RIMS2: variants seen among roughly 807,000 people sequenced by gnomAD.
The protein encoded by RIMS2 is regulating synaptic membrane exocytosis protein 2.
Under a neutral mutation model 174.4 loss-of-function variants are expected in RIMS2, and 59 were observed. The ratio of observed to expected loss-of-function variants is 0.34; its 90% confidence interval spans 0.27 to 0.42. The LOEUF (loss-of-function observed/expected upper bound fraction) is 0.42, where lower values mean the gene tolerates loss of function less well. Ranked by LOEUF, RIMS2 falls within the 10% of genes least tolerant of loss-of-function variation. The pLI, the probability that RIMS2 is intolerant of heterozygous loss-of-function variation, is 1.00. For missense variants in RIMS2, 1,620 were observed against 1,666.3 expected, an observed-to-expected ratio of 0.97 and a Z score of 0.48; for synonymous variants, 606 against 572.5, an observed-to-expected ratio of 1.06 and a Z score of -0.84.
chr8:104,191,360 G>T (rs58315183), intron 19 of RIMS2, among the ~76,000 whole-genome samples: 1 of 152,022 alleles, frequency 6.6e-6, no homozygotes, highest in East Asian at 1.9e-4. Flanking sequence ...AGGTATTTTT[G>T]TGGTGAAAAT....
At chr8:104,175,934 A>T (rs1315270246) in intron 19 of RIMS2, among the ~76,000 whole-genome samples, 1 of 152,090 alleles carries the variant, frequency 6.6e-6, no homozygotes, top group African/African-American at 2.4e-5. Context: ...CAAGCTGTAT[A>T]ATTCTCTTCA....
intron 17 of RIMS2, among the ~76,000 whole-genome samples, chr8:103,992,366 T>C (rs893567374): frequency 1.3e-5 from 2 of 149,352 alleles, no homozygotes; most frequent in Non-Finnish European, 3.0e-5. Context: ...CTTCAGGTGA[T>C]CCACCTGCCT....
chr8:104,089,710 G>A (rs1269294999), intron 19 of RIMS2, among the ~76,000 whole-genome samples: 1 of 151,668 alleles, frequency 6.6e-6, no homozygotes, highest in Non-Finnish European at 1.5e-5. Context: ...TTAAACTGGA[G>A]CCTTTAGCTA....
intron 1 of RIMS2, chr8:103,568,723 T>G (rs1346776545): frequency 1.2e-6 from 1 of 852,724 alleles, no homozygotes; most frequent in Non-Finnish European, 2.0e-6. Context: ...CATAAGGGAG[T>G]AGCCTATAAA....
intron 1 of RIMS2, among the ~76,000 whole-genome samples, chr8:103,506,081 A>G (rs1417881886): frequency 6.6e-6 from 1 of 152,120 alleles, no homozygotes; most frequent in Admixed American, 6.5e-5. Context: ...TGAATCATGA[A>G]TACTTTTAAA....
At chr8:104,055,199 A>G (rs1360700980) in intron 19 of RIMS2, among the ~76,000 whole-genome samples, 2 of 152,144 alleles carry the variant, frequency 1.3e-5, no homozygotes, top group African/African-American at 2.4e-5. Context: ...AATACTCTCA[A>G]AAATATTCTA....
intron 9 of RIMS2, among the ~76,000 whole-genome samples, chr8:103,919,566 G>A (rs1272447731): frequency 1.3e-5 from 2 of 151,846 alleles, no homozygotes; most frequent in Non-Finnish European, 1.5e-5. Context: ...TAGTGAGAAG[G>A]CTAATCTAGT....
chr8:103,793,505 C>G (rs1196913954), intron 3 of RIMS2, among the ~76,000 whole-genome samples: 2 of 152,132 alleles, frequency 1.3e-5, no homozygotes, highest in Admixed American at 6.5e-5. Context: ...GAAGCATTCC[C>G]TTTGAAAACT....
chr8:103,513,036 GAA>G (rs1168261742), intron 1 of RIMS2, among the ~76,000 whole-genome samples: 1 of 152,158 alleles, frequency 6.6e-6, no homozygotes, highest in African/African-American at 2.4e-5. Flanking sequence ...ATAAGATATA[GAA>G]AGTGGCAGGG....
At chr8:103,687,980 G>A (rs1468598253) in intron 1 of RIMS2, among the ~76,000 whole-genome samples, 1 of 151,986 alleles carries the variant, frequency 6.6e-6, no homozygotes, top group African/African-American at 2.4e-5. Context: ...ATAGGAATAT[G>A]GATATCTCTT....
chr8:103,812,341 T>TTTG (rs1554843395), intron 3 of RIMS2, among the ~76,000 whole-genome samples: 4 of 146,432 alleles, frequency 2.7e-5, no homozygotes, highest in Admixed American at 6.9e-5. Flanking sequence ...GTTTTTTTTT[T>TTTG]TTTTTTTTTT....
At chr8:103,555,867 AGGAAATCCTATCATATG>A (rs370218709) in intron 1 of RIMS2, among the ~76,000 whole-genome samples, 137 of 152,260 alleles carry the variant, frequency 9.0e-4, no homozygotes, top group African/African-American at 3.2e-3. Flanking sequence ...TTTAAAAAGA[AGGAAATCCTATCATATG>A]CAACAACGTG....
intron 14 of RIMS2, among the ~76,000 whole-genome samples, chr8:103,960,444 A>G (rs956889641): frequency 6.6e-6 from 1 of 152,182 alleles, no homozygotes; most frequent in Non-Finnish European, 1.5e-5. Flanking sequence ...ATGTATTAGT[A>G]TTGTGGATGA....
chr8:103,838,042 G>A (rs371852297), intron 3 of RIMS2, among the ~76,000 whole-genome samples: 1 of 151,058 alleles, frequency 6.6e-6, no homozygotes, highest in Non-Finnish European at 1.5e-5. Context: ...GACCTCCCTG[G>A]CTCAAGTGAT....
chr8:103,940,807 C>T (rs998911608), intron 13 of RIMS2, among the ~76,000 whole-genome samples: 37 of 148,660 alleles, frequency 2.5e-4, no homozygotes, highest in East Asian at 8.0e-4. Flanking sequence ...GCCCGGGAGG[C>T]GGAGCTTGCA....
chr8:104,163,090 A>T (rs1472980761), intron 19 of RIMS2, among the ~76,000 whole-genome samples: 1 of 152,196 alleles, frequency 6.6e-6, no homozygotes, highest in African/African-American at 2.4e-5. Context: ...ATGGAAAAAG[A>T]TAAGACTGTT....
chr8:103,856,492 G>A (rs1403945548), intron 3 of RIMS2, among the ~76,000 whole-genome samples: 1 of 152,218 alleles, frequency 6.6e-6, no homozygotes, highest in African/African-American at 2.4e-5. Context: ...TTTGGAAGAA[G>A]CTGTCTTGTC....
chr8:104,141,123 TA>T (rs34629413), intron 19 of RIMS2, among the ~76,000 whole-genome samples: 44,149 of 151,632 alleles, frequency 0.29, 7,550 homozygotes, highest in East Asian at 0.8. Context: ...ATAACTAGCA[TA>T]AAAAAAAGAT....
At chr8:104,214,435 A>T (rs2099120460) in intron 19 of RIMS2, among the ~76,000 whole-genome samples, 2 of 152,144 alleles carry the variant, frequency 1.3e-5, no homozygotes, top group African/African-American at 2.4e-5. Context: ...CAAGACAGAC[A>T]AACCCTTATT....
Sources: gnomAD v4.1 joint callset for allele counts (sites outside exome capture counted in the v4.1 genomes callset) on GRCh38, gnomAD v4.1.1 for gene constraint, MANE v1.5 for transcripts, NCBI Gene and HGNC (gene_info 2026-07-23, HGNC 2026-07-21) for gene names.